DNAAF9: variants seen among roughly 807,000 people sequenced by gnomAD.
The protein encoded by DNAAF9 is shulin.
DNAAF9 carries 90 observed loss-of-function variants against 167.0 expected under a neutral mutation model. The ratio of observed to expected loss-of-function variants is 0.54; its 90% CI spans 0.45 to 0.64. The LOEUF is 0.64. Among genes scored for constraint, DNAAF9 ranks in the 30% least tolerant of loss-of-function variants. The probability of loss-of-function intolerance (pLI) is 0.00; values close to 1 mark genes in which losing one functional copy is unlikely to be tolerated. For synonymous variants in DNAAF9, 491 were observed against 508.8 expected (o/e 0.96, Z 0.47); for missense variants, 1,315 against 1,442.2 (o/e 0.91, Z 1.43).
chr20:3,358,558 T>A (rs569463617), intron 7 of DNAAF9, among the ~76,000 whole-genome samples: 1 of 152,316 alleles, frequency 6.6e-6, no homozygotes, highest in African/African-American at 2.4e-5. Context: ...CCTGCTGGGA[T>A]AACAGGCGTG....
chr20:3,336,091 C>G, intron 10 of DNAAF9, among the ~76,000 whole-genome samples: 1 of 152,108 alleles, frequency 6.6e-6, no homozygotes. Flanking sequence ...CCACTGCACT[C>G]CAGCCTGGGT....
At chr20:3,351,848 T>G in intron 7 of DNAAF9, among the ~76,000 whole-genome samples, 1 of 142,818 alleles carries the variant, frequency 7.0e-6, no homozygotes, top group Non-Finnish European at 1.5e-5. Context: ...ATTTATTTAT[T>G]TATTTATTTA....
chr20:3,261,948 G>A (rs1455294231), intron 31 of DNAAF9, among the ~76,000 whole-genome samples: 1 of 152,000 alleles, frequency 6.6e-6, no homozygotes, highest in Non-Finnish European at 1.5e-5. Context: ...TGTGGAAGGA[G>A]GGTGGATGCG....
At chr20:3,358,454 T>C (rs1398313957) in intron 7 of DNAAF9, among the ~76,000 whole-genome samples, 1 of 152,094 alleles carries the variant, frequency 6.6e-6, no homozygotes, top group African/African-American at 2.4e-5. Context: ...TGGCTAATTT[T>C]TGTATTTTTA....
At chr20:3,339,983 A>G (rs1448690933) in intron 10 of DNAAF9, among the ~76,000 whole-genome samples, 1 of 152,268 alleles carries the variant, frequency 6.6e-6, no homozygotes, top group African/African-American at 2.4e-5. Flanking sequence ...AATTCCACTG[A>G]GATAGCATAG....
intron 10 of DNAAF9, among the ~76,000 whole-genome samples, chr20:3,339,341 C>T (rs183937988): frequency 1.3e-3 from 204 of 152,262 alleles, no homozygotes; most frequent in African/African-American, 4.5e-3. Context: ...TTTTAGCATG[C>T]TTTGTAATTT....
At chr20:3,377,576 G>A (rs57938570) in intron 3 of DNAAF9, among the ~76,000 whole-genome samples, 1 of 151,630 alleles carries the variant, frequency 6.6e-6, no homozygotes, top group East Asian at 1.9e-4. Flanking sequence ...TCCTGCCTCA[G>A]CCCCACAAGA....
intron 21 of DNAAF9, among the ~76,000 whole-genome samples, chr20:3,300,824 T>C (rs2069172351): frequency 6.7e-6 from 1 of 149,520 alleles, no homozygotes; most frequent in South Asian, 2.1e-4. Flanking sequence ...CATTCCAGGC[T>C]TGAGCCACTG....
intron 9 of DNAAF9, among the ~76,000 whole-genome samples, chr20:3,342,281 C>T: frequency 6.6e-6 from 1 of 152,112 alleles, no homozygotes; most frequent in East Asian, 1.9e-4. Flanking sequence ...CATTATTCAG[C>T]TCTCTCCTGC....
At chr20:3,270,056 C>T (rs1163332264) in intron 30 of DNAAF9, among the ~76,000 whole-genome samples, 2 of 150,932 alleles carry the variant, frequency 1.3e-5, no homozygotes, top group Non-Finnish European at 2.9e-5. Flanking sequence ...AGGCTGGTCT[C>T]AAACTCCTGA....
At position 3,294,603 on chromosome 20, in the gene DNAAF9, C is replaced by T; in HGVS notation, c.2045G>A (p.Ser682Asn). 6.2e-7 allele frequency: 1 copy of T among 1,613,478 alleles called. No individual in the cohort carries two copies. The highest frequency in any genetic ancestry group is 8.5e-7 in the Non-Finnish European group (1 of 1,179,420). ...RLHSSAQKLFSALSQPAGEKR... is the reference protein window; with the variant it reads ...RLHSSAQKLFNALSQPAGEKR... ...CTCCCCAGCAGGCTGGCTCAGGGCACTGAAGAGCTTCTGTGCACTGGAGTG... is the reference window on the plus strand; with the variant it reads ...CTCCCCAGCAGGCTGGCTCAGGGCATTGAAGAGCTTCTGTGCACTGGAGTG... The change falls in exon 24 of 37, where the codon AGT becomes AAT. Residue 682 changes from serine to asparagine, a missense_variant. Ser to Asn is a conservative substitution (Grantham distance 46). Around this residue, in one of 2 missense-constraint regions of DNAAF9, gnomAD observed 981 missense variants for 1,012.5 expected, o/e 0.97. Coordinates refer to ENST00000252032, the MANE Select transcript of DNAAF9 (RefSeq NM_001009984.3).
intron 11 of DNAAF9, among the ~76,000 whole-genome samples, chr20:3,331,517 C>A (rs1455379586): frequency 6.6e-6 from 1 of 152,160 alleles, no homozygotes; most frequent in African/African-American, 2.4e-5. Flanking sequence ...GTAAGCAGGG[C>A]AGCCCCAGCA....
At chr20:3,307,869 G>A (rs2069328514) in intron 20 of DNAAF9, among the ~76,000 whole-genome samples, 1 of 151,406 alleles carries the variant, frequency 6.6e-6, no homozygotes, top group Non-Finnish European at 1.5e-5. Context: ...TCTATGTGAG[G>A]AGGGAACATT....
At chr20:3,272,796 T>C (rs558616874) in intron 29 of DNAAF9, among the ~76,000 whole-genome samples, 19 of 152,150 alleles carry the variant, frequency 1.2e-4, no homozygotes, top group Non-Finnish European at 2.1e-4. Flanking sequence ...ACCCATTTAC[T>C]AATAGAGAGT....
At chr20:3,362,655 G>A (rs1240238759) in intron 6 of DNAAF9, among the ~76,000 whole-genome samples, 2 of 152,028 alleles carry the variant, frequency 1.3e-5, no homozygotes, top group Non-Finnish European at 1.5e-5. Flanking sequence ...TATAGCACCC[G>A]CCCCCGCTGC....
At chr20:3,291,376 G>A (rs367796490) in intron 25 of DNAAF9, among the ~76,000 whole-genome samples, 80 of 142,308 alleles carry the variant, frequency 5.6e-4, no homozygotes, top group African/African-American at 1.9e-3. Flanking sequence ...ACGGAGTCTC[G>A]CTCCGTCGCC....
intron 13 of DNAAF9, among the ~76,000 whole-genome samples, 162 bp from the exon 14 acceptor site, chr20:3,325,130 T>C (rs2069687787): frequency 6.6e-6 from 1 of 152,150 alleles, no homozygotes; most frequent in Non-Finnish European, 1.5e-5. Context: ...TAGATTAAAG[T>C]GAAAGTATCA....
At chr20:3,312,061 C>T (rs1165341021) in intron 20 of DNAAF9, among the ~76,000 whole-genome samples, 2 of 151,646 alleles carry the variant, frequency 1.3e-5, no homozygotes, top group African/African-American at 4.8e-5. Flanking sequence ...CAATCTTGGC[C>T]CACCACAACC....
At position 3,364,718 on chromosome 20, in the gene DNAAF9, T is replaced by A. The variant is rs2083407735; in HGVS notation, c.613-5125A>T. ...AAATCAAATGTACACACCTTAATTT[T>A]AAAAATACTTTATCACTAAAAAATG... is the stretch of plus-strand genomic sequence containing the variant. On this transcript the variant is annotated intron_variant, in intron 6 of 36. Coordinates refer to ENST00000252032, the MANE Select transcript of DNAAF9 (RefSeq NM_001009984.3). Among the ~76,000 whole-genome samples, 2 of 152,206 alleles carry A rather than the reference T, an allele frequency of 1.3e-5. 1 individual carries two copies. The highest frequency in any genetic ancestry group is 1.3e-4 in the Admixed American group (2 of 15,282).
Sources: allele counts gnomAD v4.1 joint callset (sites outside exome capture counted in the v4.1 genomes callset), GRCh38; gene constraint gnomAD v4.1.1; regional missense constraint gnomAD v4.1.1; transcripts MANE v1.5; gene names NCBI Gene and HGNC (gene_info 2026-07-23, HGNC 2026-07-21).